Variants in UBE2F observed in about 807,000 individuals in gnomAD.
The protein encoded by UBE2F is ubiquitin conjugating enzyme E2 F (putative).
Under a neutral mutation model 29.6 loss-of-function variants are expected in UBE2F, and 5 were observed. The observed-to-expected ratio is 0.17, with a 90% CI of 0.09 to 0.36. The LOEUF (loss-of-function observed/expected upper bound fraction) is 0.36. Ranked by LOEUF, UBE2F falls within the 10% of genes least tolerant of loss-of-function variation. The probability of loss-of-function intolerance (pLI) is 1.00; values close to 1 mark genes in which losing one functional copy is unlikely to be tolerated. For synonymous variants in UBE2F, 66 were observed against 81.8 expected (o/e 0.81, Z 1.04); for missense variants, 141 against 228.5 (o/e 0.62, Z 2.47).
chr2:238,005,605 G>GTTTT (rs34941196), intron 4 of UBE2F, among the ~76,000 whole-genome samples: 2 of 149,176 alleles, frequency 1.3e-5, no homozygotes, highest in East Asian at 2.0e-4. Context: ...TAGTTTTCTG[G>GTTTT]TTTTTTTTTT....
Position 237,981,183 on chromosome 2 carries a change from T to C in UBE2F, c.119-6780T>C, listed in dbSNP as rs117375257. Among the ~76,000 whole-genome samples the C allele has an allele frequency of 1.1e-3, 164 of 152,152 alleles. 2 individuals carry two copies. In the East Asian group the frequency reaches 0.028, roughly 26 times the overall value. ...TTGTAGGTGGGTGGCGTTCTTCAGGTGGTGAGGGTGTACAGAGAAGGGCCA... is the reference window on the plus strand; with the variant it reads ...TTGTAGGTGGGTGGCGTTCTTCAGGCGGTGAGGGTGTACAGAGAAGGGCCA... On this transcript the variant is annotated intron_variant, in intron 2 of 9. Transcript: ENST00000272930.
At chr2:237,996,913 G>A (rs991704646) in intron 4 of UBE2F, among the ~76,000 whole-genome samples, 1 of 152,138 alleles carries the variant, frequency 6.6e-6, no homozygotes, top group Admixed American at 6.5e-5. Flanking sequence ...TGTACTCACT[G>A]TTCTATCAGA....
intron 8 of UBE2F, among the ~76,000 whole-genome samples, chr2:238,033,914 T>C (rs188658511): frequency 1.3e-5 from 2 of 152,210 alleles, no homozygotes; most frequent in African/African-American, 4.8e-5. Flanking sequence ...ATTGTAATAT[T>C]GAGCCTTGGC....
chr2:238,023,845 A>G (rs376503528), intron 5 of UBE2F, among the ~76,000 whole-genome samples: 1 of 152,154 alleles, frequency 6.6e-6, no homozygotes, highest in Admixed American at 6.5e-5. Context: ...TCTGAAGGAC[A>G]TGAGCAGTGT....
rs574145639 is a variant in UBE2F, at chr2:237,994,777, A to C, written c.182A>C (p.Lys61Thr). ...TCKVHFPDPN[K>T]LHCFQLTVTP... ...AAAGTGCATTTTCCTGATCCAAACA[A>C]GCTTCATTGTTTTCAGCTAACAGTA... Residue 61 changes from lysine (K) to threonine (T), a missense_variant, in exon 4 of 10, where the codon AAG becomes ACG. Coordinates refer to ENST00000272930, the MANE Select transcript of UBE2F (RefSeq NM_080678.3). The C allele has an allele frequency of 6.2e-7, 1 of 1,614,164 alleles. No individual in the cohort carries two copies. Among genetic ancestry groups the C allele is most frequent in the African/African-American group, 1.3e-5 (1 of 75,066 alleles).
In UBE2F at chr2:237,970,062, A is replaced by C. The variant is rs72981210; in HGVS notation, c.-17+2930A>C. Among the ~76,000 whole-genome samples, 959 of 152,262 alleles carry C rather than the reference A, an allele frequency of 6.3e-3. 4 individuals carry two copies. Among genetic ancestry groups the C allele is most frequent in the Middle Eastern group, 0.027 (8 of 294 alleles). ...TTGATCAGTCTGAAACCATGACCAC[A>C]CTCGAGATAAAAACATTTCCTGCCC... On this transcript the variant is annotated intron_variant, in intron 1 of 9. Coordinates refer to ENST00000272930, the MANE Select transcript of UBE2F (RefSeq NM_080678.3).
At chr2:237,995,713 G>C (rs2063676978) in intron 4 of UBE2F, among the ~76,000 whole-genome samples, 1 of 152,126 alleles carries the variant, frequency 6.6e-6, no homozygotes, top group Non-Finnish European at 1.5e-5. Context: ...TTTTTCTGTG[G>C]AAGATGTTTG....
At chr2:237,978,214 G>T (rs2063319126) in intron 2 of UBE2F, among the ~76,000 whole-genome samples, 2 of 152,224 alleles carry the variant, frequency 1.3e-5, no homozygotes, top group Non-Finnish European at 2.9e-5. Flanking sequence ...CCAAATCCCT[G>T]AAAGGGCTGA....
At chr2:237,983,881 C>G (rs191747084) in intron 2 of UBE2F, among the ~76,000 whole-genome samples, 15 of 152,286 alleles carry the variant, frequency 9.8e-5, no homozygotes, top group African/African-American at 3.4e-4. Context: ...GTAACTTTCC[C>G]TGTTCCTTGG....
intron 2 of UBE2F, among the ~76,000 whole-genome samples, chr2:237,978,498 C>T (rs549851937): frequency 6.6e-6 from 1 of 152,278 alleles, no homozygotes; most frequent in African/African-American, 2.4e-5. Flanking sequence ...TCTCCTGGCT[C>T]GATTCCAGGT....
intron 6 of UBE2F, among the ~76,000 whole-genome samples, chr2:238,029,841 GGCACA>G (rs560939690): frequency 7.2e-5 from 11 of 152,274 alleles, no homozygotes; most frequent in Non-Finnish European, 1.5e-4. Context: ...TGAATTTAAT[GGCACA>G]GCACCTAGGA....
intron 3 of UBE2F, among the ~76,000 whole-genome samples, chr2:237,989,911 G>GAGT (rs1225266434): frequency 2.0e-5 from 3 of 151,834 alleles, no homozygotes; most frequent in Admixed American, 2.0e-4. Context: ...TTGAGCTCAG[G>GAGT]AGTTCGAGAC....
In UBE2F at chr2:237,972,560, T is replaced by A. The variant is rs1457111216; in HGVS notation, c.-16-532T>A. Reference sequence around the variant, plus strand: ...TTTTAAATTTTTTTTTTTTTTTTTTTTTTTTTTTGAGACAGGGTCTTGCCG... The same window carrying A: ...TTTTAAATTTTTTTTTTTTTTTTTTATTTTTTTTGAGACAGGGTCTTGCCG... On this transcript the variant is annotated intron_variant, in intron 1 of 9. Transcript: ENST00000272930. 1.5e-3 allele frequency among the ~76,000 whole-genome samples: 220 copies of A among 146,854 alleles called. 2 individuals carry two copies. Among genetic ancestry groups the A allele is most frequent in the African/African-American group, 5.2e-3 (210 of 40,132 alleles).
At chr2:238,023,368 C>T (rs998186455) in intron 5 of UBE2F, among the ~76,000 whole-genome samples, 3 of 152,190 alleles carry the variant, frequency 2.0e-5, no homozygotes, top group Non-Finnish European at 2.9e-5. Context: ...AATTCTTTGT[C>T]CTCAGACACA....
At position 238,041,434 on chromosome 2, in the gene UBE2F, T is replaced by C; in HGVS notation, c.*96T>C. On this transcript the variant is annotated 3_prime_UTR_variant, in exon 10 of 10. Transcript: ENST00000272930. The stretch of plus-strand genomic sequence containing the variant: ...CCCCCTCTCCCGTCCTCATGCTCCC[T>C]CTCAGTCCCCTGGATTGCCCCAGTC... 7.7e-7 allele frequency: 1 copy of C among 1,301,460 alleles called. No individual in the cohort carries two copies. The highest frequency in any genetic ancestry group is 1.1e-6 in the Non-Finnish European group (1 of 905,046). 80.6% of individuals were successfully genotyped at this position (1,301,460 alleles called of 1,614,324 possible).
In UBE2F at chr2:238,024,200, AGT is replaced by A. The variant is rs1245264174; in HGVS notation, c.283-1139_283-1138del. Among the ~76,000 whole-genome samples, 4 of 152,310 alleles carry A rather than the reference AGT, an allele frequency of 2.6e-5. No homozygotes were observed. The East Asian group carries it at 7.7e-4, about 29-fold the overall frequency. Reference sequence around the variant, plus strand: ...TAATTTCTGGGTAGCATTTTGATGGAGTGTATATATTCTTACATAAAAAACAA... The same window carrying A: ...TAATTTCTGGGTAGCATTTTGATGGAGTATATATTCTTACATAAAAAACAA... On this transcript the variant is annotated intron_variant, in intron 5 of 9. Transcript: ENST00000272930.
At chr2:238,020,386 A>T (rs1305057685) in intron 5 of UBE2F, among the ~76,000 whole-genome samples, 2 of 152,138 alleles carry the variant, frequency 1.3e-5, no homozygotes, top group Non-Finnish European at 2.9e-5. Flanking sequence ...GTGAGGGCAC[A>T]CTCTGAGGGC....
At chr2:238,000,562 A>G (rs1271129249) in intron 4 of UBE2F, among the ~76,000 whole-genome samples, 2 of 152,232 alleles carry the variant, frequency 1.3e-5, no homozygotes, top group African/African-American at 4.8e-5. Context: ...CCCGTTGACC[A>G]GTGGACGAAC....
intron 3 of UBE2F, among the ~76,000 whole-genome samples, chr2:237,993,967 C>G (rs573963800): frequency 6.6e-6 from 1 of 152,086 alleles, no homozygotes; most frequent in Non-Finnish European, 1.5e-5. Context: ...CCATCTGGGT[C>G]AGTAGAGCAT....
Sources: allele counts gnomAD v4.1 joint callset (sites outside exome capture counted in the v4.1 genomes callset), GRCh38; gene constraint gnomAD v4.1.1; transcripts MANE v1.5; gene names NCBI Gene and HGNC (gene_info 2026-07-23, HGNC 2026-07-21).